Variants in IQSEC1 observed in about 807,000 individuals in gnomAD.
IQSEC1 encodes the protein IQ motif and Sec7 domain ArfGEF 1, also known as IQ motif and SEC7 domain-containing protein 1.
A neutral mutation model predicts 91.0 loss-of-function variants in IQSEC1; 31 were observed. The ratio of observed to expected loss-of-function variants is 0.34; its 90% CI spans 0.26 to 0.46. The LOEUF (loss-of-function observed/expected upper bound fraction) is 0.46, where lower values mean the gene tolerates loss of function less well. Ranked by LOEUF, IQSEC1 falls within the 20% of genes least tolerant of loss-of-function variation. The pLI is 1.00. For synonymous variants in IQSEC1, 699 were observed against 662.6 expected (o/e 1.05, Z -0.84); for missense variants, 1,388 against 1,575.6 (o/e 0.88, Z 2.02).
intron 1 of IQSEC1, among the ~76,000 whole-genome samples, chr3:13,182,413 A>G (rs147591369): frequency 8.2e-4 from 125 of 152,334 alleles, no homozygotes; most frequent in African/African-American, 2.9e-3. Flanking sequence ...ATTCATGGTA[A>G]AAATATTGTG....
Position 13,140,992 on chromosome 3 carries a change from C to T in IQSEC1, c.302+23112G>A, listed in dbSNP as rs577327335. Among the ~76,000 whole-genome samples the T allele has an allele frequency of 1.2e-4, 18 of 152,332 alleles. No homozygotes were observed. The South Asian group carries it at 1.9e-3, about 16-fold the overall frequency. ...TGAAGGCAACAAGGGGCAGGGCTGC[C>T]GGACCCTCTGACAGGGAGGGCACCA... On this transcript the variant is annotated intron_variant, in intron 2 of 15. Transcript: ENST00000648114.
chr3:12,935,423 C>T lies in IQSEC1; in HGVS notation c.1568+25G>A. 1 of 1,590,440 alleles carries T rather than the reference C, an allele frequency of 6.3e-7. No individual in the cohort carries two copies. The highest frequency in any genetic ancestry group is 1.7e-5 in the Admixed American group (1 of 59,244). On this transcript the variant is annotated intron_variant, in intron 3 of 13. Transcript: ENST00000613206. The surrounding 1 kb of genome is among the most constrained non-coding windows in gnomAD (Gnocchi z 8.0). ...GCCCAGCAAGCCACAGCTGCCCACC[C>T]TGAGGGGTCACCCATGGTACTCACT... is the stretch of plus-strand genomic sequence containing the variant.
chr3:13,048,461 A>C (rs947892838), intron 1 of IQSEC1, among the ~76,000 whole-genome samples: 38 of 152,024 alleles, frequency 2.5e-4, no homozygotes, highest in African/African-American at 8.7e-4. Flanking sequence ...TGGGGCACCC[A>C]CACCCCCCAT....
Position 13,073,136 on chromosome 3 carries a change from G to A in IQSEC1, c.-122C>T, listed in dbSNP as rs1576237250. ...GGGGAATAAAATTAAATCGCGGGGC[G>A]AGTCACATTCCCGGGGGTGGCGGGC... On this transcript the variant is annotated 5_prime_UTR_variant, in exon 1 of 14. Transcript: ENST00000613206. The A allele has an allele frequency of 8.5e-7, 1 of 1,172,718 alleles. No homozygotes were observed. The highest frequency in any genetic ancestry group is 1.2e-6 in the Non-Finnish European group (1 of 816,816). 72.6% of individuals were successfully genotyped at this position (1,172,718 alleles called of 1,614,324 possible).
chr3:13,115,703 C>T (rs1266459965), intron 2 of IQSEC1, among the ~76,000 whole-genome samples: 4 of 152,226 alleles, frequency 2.6e-5, no homozygotes, highest in Admixed American at 2.0e-4. Context: ...CAAGGCTGGG[C>T]GCCTGAAGTG....
At chr3:13,070,384 A>G (rs1705375062) in intron 1 of IQSEC1, among the ~76,000 whole-genome samples, 1 of 152,244 alleles carries the variant, frequency 6.6e-6, no homozygotes, top group African/African-American at 2.4e-5. Context: ...TTTGCAATCA[A>G]GTTGGGCAGC....
At position 12,935,791 on chromosome 3, in the gene IQSEC1, G is replaced by A; in HGVS notation, c.1225C>T (p.His409Tyr). 6.2e-7 allele frequency: 1 copy of A among 1,607,500 alleles called. No homozygotes were observed. ...GQQGSPKHGP[H>Y]SGAPKSLPRE... Reference sequence around the variant, plus strand: ...GGGAGGCTCTTGGGGGCGCCGCTGTGGGGACCATGCTTGGGACTGCCCTGC... The same window carrying A: ...GGGAGGCTCTTGGGGGCGCCGCTGTAGGGACCATGCTTGGGACTGCCCTGC... Residue 409 changes from histidine (H) to tyrosine (Y), a missense_variant, in exon 3 of 14, where the codon CAC (histidine) becomes TAC (tyrosine). By Grantham distance (83) the His-to-Tyr change is moderately conservative (BLOSUM62 2). This residue lies in a region of IQSEC1 where 1,059 missense variants were observed against 1,317.8 expected (regional missense o/e 0.80). Transcript: ENST00000613206. This position sits in a 1 kb window ranked among gnomAD's most constrained non-coding sequence, Gnocchi z 8.0.
intron 1 of IQSEC1, among the ~76,000 whole-genome samples, chr3:13,045,559 G>A (rs1704463349): frequency 6.6e-6 from 1 of 152,212 alleles, no homozygotes; most frequent in African/African-American, 2.4e-5. Flanking sequence ...TCCGATGGAG[G>A]GCTGTGCAGT....
intron 1 of IQSEC1, among the ~76,000 whole-genome samples, chr3:13,059,868 C>T (rs536428994): frequency 1.2e-4 from 18 of 152,334 alleles, no homozygotes; most frequent in Admixed American, 9.1e-4. Flanking sequence ...TTTGGAGCAG[C>T]GGTGAACTCG....
intron 3 of IQSEC1, among the ~76,000 whole-genome samples, chr3:12,925,923 G>A (rs1311167965): frequency 6.6e-6 from 1 of 152,212 alleles, no homozygotes; most frequent in East Asian, 1.9e-4. Flanking sequence ...GTGAGCCCTG[G>A]CAGGCCCCTT....
chr3:13,091,675 C>A (rs529298392), intron 2 of IQSEC1, among the ~76,000 whole-genome samples: 1 of 152,368 alleles, frequency 6.6e-6, no homozygotes, highest in Admixed American at 6.5e-5. Flanking sequence ...CTTGCCCCCG[C>A]TGACCTGTCT....
At chr3:13,039,868 G>T (rs982155676) in intron 1 of IQSEC1, among the ~76,000 whole-genome samples, 4 of 152,240 alleles carry the variant, frequency 2.6e-5, no homozygotes, top group Non-Finnish European at 5.9e-5. Flanking sequence ...CTGGCAGCAT[G>T]CAGCCTCCAC....
chr3:13,041,324 T>C (rs1011573639), intron 1 of IQSEC1, among the ~76,000 whole-genome samples: 1 of 152,066 alleles, frequency 6.6e-6, no homozygotes, highest in Non-Finnish European at 1.5e-5. Flanking sequence ...CAGGCCTCTC[T>C]CGCTGGCACC....
intron 2 of IQSEC1, among the ~76,000 whole-genome samples, chr3:13,130,469 A>C (rs1273158105): frequency 6.6e-6 from 1 of 152,078 alleles, no homozygotes; most frequent in Non-Finnish European, 1.5e-5. Context: ...AAATATATTG[A>C]GATTTATCAT....
Position 12,960,873 on chromosome 3 carries a change from T to C in IQSEC1, c.24-19008A>G, listed in dbSNP as rs556950753. 5.9e-5 allele frequency among the ~76,000 whole-genome samples: 9 copies of C among 152,322 alleles called. No individual in the cohort carries two copies. In the South Asian group the frequency reaches 1.9e-3, roughly 32 times the overall value. On this transcript the variant is annotated intron_variant, in intron 1 of 13. Transcript: ENST00000613206. ...CTGCCGGCACGCATAGTCACCTGTTTTGTGTCTACCCACACTGCCTCTCCC... is the reference window on the plus strand; with the variant it reads ...CTGCCGGCACGCATAGTCACCTGTTCTGTGTCTACCCACACTGCCTCTCCC...
At chr3:12,902,396 C>G (rs1694417328) in intron 13 of IQSEC1, among the ~76,000 whole-genome samples, 1 of 151,908 alleles carries the variant, frequency 6.6e-6, no homozygotes, top group Admixed American at 6.6e-5. Flanking sequence ...TGAGTGGGAG[C>G]CGGGTGGCCC....
chr3:13,082,343 C>T (rs750973451), intron 2 of IQSEC1, among the ~76,000 whole-genome samples: 5 of 152,214 alleles, frequency 3.3e-5, no homozygotes, highest in South Asian at 2.1e-4. Context: ...TTTTTATCCC[C>T]GACAAAGGGC....
At chr3:13,042,222 G>A (rs1704301706) in intron 1 of IQSEC1, 1 of 152,264 alleles carries the variant, frequency 6.6e-6, no homozygotes, top group African/African-American at 2.4e-5. Context: ...GCAGGATCAG[G>A]GCGAACTTTC....
intron 12 of IQSEC1, among the ~76,000 whole-genome samples, chr3:12,907,420 A>G (rs952181766): frequency 2.6e-5 from 4 of 152,196 alleles, no homozygotes; most frequent in Admixed American, 2.6e-4. Context: ...CTCCTGGGGC[A>G]GACCTGCGTG....
Sources: allele counts gnomAD v4.1 joint callset (sites outside exome capture counted in the v4.1 genomes callset), GRCh38; gene constraint gnomAD v4.1.1; regional missense constraint gnomAD v4.1.1; non-coding constraint Gnocchi (gnomAD v3.1); transcripts MANE v1.5; gene names NCBI Gene and HGNC (gene_info 2026-07-23, HGNC 2026-07-21).